GLMN: variants seen among roughly 807,000 people sequenced by gnomAD.
GLMN encodes glomulin.
GLMN carries 75 observed loss-of-function variants against 87.8 expected under a neutral mutation model. The ratio of observed to expected loss-of-function variants is 0.85; its 90% CI spans 0.71 to 1.04. The LOEUF (loss-of-function observed/expected upper bound fraction) is 1.04. GLMN is among the 50% of genes least tolerant of loss of function. The pLI is 0.00. For missense variants in GLMN, 588 were observed against 658.8 expected, an observed-to-expected ratio of 0.89 and a Z score of 1.18; for synonymous variants, 206 against 221.6, an observed-to-expected ratio of 0.93 and a Z score of 0.63.
rs150674232 is a variant in GLMN at position 92,295,456 on chromosome 1, G to C, written c.165+1948C>G. Among the ~76,000 whole-genome samples the C allele has an allele frequency of 2.6e-5, 4 of 152,056 alleles. No individual in the cohort carries two copies. The East Asian group carries it at 7.7e-4, about 29-fold the overall frequency. Reference sequence around the variant, plus strand: ...AAACCTTATTTTCCAATTGACTGCTGTACTTAAACTCAAAATTTCTAAAAG... The same window carrying C: ...AAACCTTATTTTCCAATTGACTGCTCTACTTAAACTCAAAATTTCTAAAAG... On this transcript the variant is annotated intron_variant, in intron 3 of 18. Coordinates refer to ENST00000370360, the MANE Select transcript of GLMN (RefSeq NM_053274.3).
At chr1:92,368,690 A>G in the GLMN span, among the ~76,000 whole-genome samples, 2 of 152,318 alleles carry the variant, frequency 1.3e-5, no homozygotes, top group Admixed American at 1.3e-4. Context: ...TCTTCTTACT[A>G]CTGTATATAA....
chr1:92,296,395 G>A (rs953491783), intron 3 of GLMN, among the ~76,000 whole-genome samples: 3 of 152,162 alleles, frequency 2.0e-5, no homozygotes, highest in African/African-American at 7.2e-5. Flanking sequence ...TAACAATCAT[G>A]GCGGAAGGCA....
chr1:92,248,890 G>C (rs1043724485), intron 16 of GLMN, among the ~76,000 whole-genome samples: 4 of 152,054 alleles, frequency 2.6e-5, no homozygotes, highest in African/African-American at 4.8e-5. Context: ...GAATACTAGA[G>C]AGGATCTAAA....
At chr1:92,281,197 A>T (rs1327598899) in intron 7 of GLMN, among the ~76,000 whole-genome samples, 1 of 152,182 alleles carries the variant, frequency 6.6e-6, no homozygotes, top group Admixed American at 6.5e-5. Context: ...TGAAGGAAAA[A>T]CTGTTAAGGG....
chr1:92,317,228 G>C, the GLMN span, among the ~76,000 whole-genome samples: 158 of 152,228 alleles, frequency 1.0e-3, no homozygotes, highest in Admixed American at 1.7e-3. Flanking sequence ...AGAGTTGAAG[G>C]CTCGGTGCGG....
chr1:92,355,462 G>A, the GLMN span, among the ~76,000 whole-genome samples: 12 of 152,154 alleles, frequency 7.9e-5, no homozygotes, highest in African/African-American at 2.9e-4. Flanking sequence ...ATAAAGATGA[G>A]TATATTTAGC....
intron 17 of GLMN, 44 bp downstream of exon 17, chr1:92,247,834 C>T (rs768862381): frequency 1.0e-5 from 8 of 796,000 alleles, no homozygotes; most frequent in Admixed American, 3.4e-5. Context: ...CAAAATTAGA[C>T]TACTTTTTAG....
intron 13 of GLMN, among the ~76,000 whole-genome samples, chr1:92,265,920 T>C (rs1655586257): frequency 6.6e-6 from 1 of 152,224 alleles, no homozygotes; most frequent in Non-Finnish European, 1.5e-5. Flanking sequence ...ATATTTACTA[T>C]TTGGCTCTTC....
At chr1:92,308,951 T>A in the GLMN span, among the ~76,000 whole-genome samples, 2 of 152,012 alleles carry the variant, frequency 1.3e-5, no homozygotes, top group Admixed American at 6.5e-5. Flanking sequence ...CAGAGTGAGA[T>A]TCTGTCTCAA....
the GLMN span, among the ~76,000 whole-genome samples, chr1:92,337,846 T>C: frequency 6.6e-6 from 1 of 152,174 alleles, no homozygotes; most frequent in African/African-American, 2.4e-5. Flanking sequence ...GGTTATTTTC[T>C]TTAATGTTGT....
At chr1:92,341,790 A>G in the GLMN span, among the ~76,000 whole-genome samples, 2 of 152,140 alleles carry the variant, frequency 1.3e-5, no homozygotes, top group Non-Finnish European at 2.9e-5. Context: ...GATTACAGGC[A>G]TGCGCCACCA....
rs993334104 is a variant in GLMN at position 92,250,941 on chromosome 1, G to C, written c.1474-2952C>G. 3.3e-5 allele frequency among the ~76,000 whole-genome samples: 5 copies of C among 152,158 alleles called. No individual in the cohort carries two copies. In the East Asian group the frequency reaches 9.6e-4, roughly 29 times the overall value. On this transcript the variant is annotated intron_variant, in intron 16 of 18. Transcript: ENST00000370360. ...GTCATGTAACCACTGCTGCTGTAAA[G>C]ATATTCCCATGACCCAGAAATTTCT...
the GLMN span, among the ~76,000 whole-genome samples, chr1:92,341,871 C>T: frequency 6.6e-6 from 1 of 152,234 alleles, no homozygotes; most frequent in African/African-American, 2.4e-5. Context: ...TCTCAAACTG[C>T]TGACCTCATG....
the GLMN span, among the ~76,000 whole-genome samples, chr1:92,325,926 T>G: frequency 0.024 from 3,596 of 152,262 alleles, 98 homozygotes; most frequent in African/African-American, 0.066. Flanking sequence ...ATATACCATT[T>G]ATTTATGCTA....
At chr1:92,319,852 G>T in the GLMN span, among the ~76,000 whole-genome samples, 1 of 152,184 alleles carries the variant, frequency 6.6e-6, no homozygotes, top group South Asian at 2.1e-4. Context: ...TACAAAACTA[G>T]TTGGGCATGG....
intron 16 of GLMN, among the ~76,000 whole-genome samples, chr1:92,256,187 C>T (rs987371864): frequency 2.0e-5 from 3 of 151,996 alleles, no homozygotes; most frequent in Non-Finnish European, 2.9e-5. Context: ...ACACACCCTC[C>T]CAAGACTAAA....
intron 8 of GLMN, among the ~76,000 whole-genome samples, chr1:92,270,800 T>C (rs1377656829): frequency 6.6e-6 from 1 of 152,300 alleles, no homozygotes; most frequent in East Asian, 1.9e-4. Context: ...AAGTGACATT[T>C]AAGGATAAAG....
At chr1:92,333,473 TGTAA>T in the GLMN span, 1 of 1,604,976 alleles carries the variant, frequency 6.2e-7, no homozygotes, top group Admixed American at 1.7e-5. Flanking sequence ...TTGAGTAAAG[TGTAA>T]GTATGTAATT....
chr1:92,248,137 G>A, intron 16 of GLMN, 148 bp from the exon 17 acceptor site: 1 of 605,550 alleles, frequency 1.7e-6, no homozygotes, highest in South Asian at 2.0e-5. Context: ...TATTACTATA[G>A]CTAGTTATGT....
Sources: allele counts gnomAD v4.1 joint callset (sites outside exome capture counted in the v4.1 genomes callset), GRCh38; gene constraint gnomAD v4.1.1; transcripts MANE v1.5; gene names NCBI Gene and HGNC (gene_info 2026-07-23, HGNC 2026-07-21).